EYA1: variants seen among roughly 807,000 people sequenced by gnomAD.
The protein encoded by EYA1 is EYA transcriptional coactivator and phosphatase 1, also known as protein phosphatase EYA1.
In EYA1, 16 loss-of-function variants were observed where a neutral mutation model predicts 82.0. The observed-to-expected ratio is 0.20, with a 90% confidence interval of 0.13 to 0.30. EYA1 has a LOEUF of 0.30. EYA1 is among the 10% of genes least tolerant of loss of function. The pLI is 1.00. For missense variants in EYA1, 633 were observed against 730.7 expected (o/e 0.87, Z 1.54); for synonymous variants, 261 against 264.4 (o/e 0.99, Z 0.12).
intron 2 of EYA1, among the ~76,000 whole-genome samples, chr8:71,405,818 A>G (rs1830188880): frequency 6.6e-6 from 1 of 152,142 alleles, no homozygotes; most frequent in African/African-American, 2.4e-5. Flanking sequence ...TTTTAAACCT[A>G]TTACTTTCCT....
At position 71,299,687 on chromosome 8, in the gene EYA1, G is replaced by A. The variant is rs1173256027; in HGVS notation, c.590C>T (p.Thr197Ile). The change falls in exon 8 of 18, where the codon ACA (threonine) becomes ATA (isoleucine). Residue 197 changes from threonine (T) to isoleucine (I), a missense_variant. Thr to Ile is a moderately conservative substitution (Grantham distance 89). Coordinates refer to ENST00000340726, the MANE Select transcript of EYA1 (RefSeq NM_000503.6). Reference sequence around the variant, plus strand: ...GGAATTTGTGAGTGAATTATTTCCTGTATATATTCCTGATGATGTTGTAAA... The same window carrying A: ...GGAATTTGTGAGTGAATTATTTCCTATATATATTCCTGATGATGTTGTAAA... ...SSFTTSSGIY[T>I]GNNSLTNSSG... 1.7e-5 allele frequency: 27 copies of A among 1,586,660 alleles called. No homozygotes were observed. The highest frequency in any genetic ancestry group is 2.2e-5 in the Non-Finnish European group (25 of 1,156,052).
chr8:71,397,950 T>G (rs192548306), intron 2 of EYA1, among the ~76,000 whole-genome samples: 172 of 152,350 alleles, frequency 1.1e-3, no homozygotes, highest in Middle Eastern at 3.4e-3. Flanking sequence ...TTTGGTGTTT[T>G]CACATAGTTC....
At chr8:71,233,287 G>A (rs1006003779) in intron 12 of EYA1, among the ~76,000 whole-genome samples, 4 of 152,062 alleles carry the variant, frequency 2.6e-5, no homozygotes, top group Admixed American at 6.5e-5. Flanking sequence ...GTTTTCTGCC[G>A]GGTGCGGTGG....
chr8:71,522,149 A>C (rs1300219687), intron 2 of EYA1, among the ~76,000 whole-genome samples: 1 of 152,178 alleles, frequency 6.6e-6, no homozygotes, highest in Non-Finnish European at 1.5e-5. Flanking sequence ...GGTTTCATTA[A>C]AATTATATGC....
intron 2 of EYA1, among the ~76,000 whole-genome samples, chr8:71,367,642 G>T (rs992796055): frequency 2.0e-5 from 3 of 151,672 alleles, no homozygotes; most frequent in African/African-American, 7.3e-5. Flanking sequence ...ACAGTGCACT[G>T]CAATCGCATT....
intron 2 of EYA1, among the ~76,000 whole-genome samples, chr8:71,533,641 C>T (rs1443527093): frequency 1.3e-5 from 2 of 152,162 alleles, no homozygotes; most frequent in Non-Finnish European, 2.9e-5. Context: ...TCTAGGTCCT[C>T]TTCCCATCTT....
intron 17 of EYA1, chr8:71,204,347 A>G (rs1388989021): frequency 1.3e-5 from 2 of 152,246 alleles, no homozygotes; most frequent in African/African-American, 2.4e-5. Flanking sequence ...ATGTGGATAC[A>G]TATATGTAAG....
chr8:71,313,677 G>A (rs1034603029), intron 7 of EYA1, among the ~76,000 whole-genome samples: 2 of 152,252 alleles, frequency 1.3e-5, no homozygotes, highest in Non-Finnish European at 2.9e-5. Context: ...GTCATTGCAT[G>A]CTGAAGGCCC....
At chr8:71,442,986 A>T (rs1036111305) in intron 2 of EYA1, among the ~76,000 whole-genome samples, 2 of 152,232 alleles carry the variant, frequency 1.3e-5, no homozygotes, top group East Asian at 1.9e-4. Context: ...AATGAGAATT[A>T]ATACACCATA....
At chr8:71,200,984 A>G (rs1173849571) in intron 17 of EYA1, among the ~76,000 whole-genome samples, 1 of 147,012 alleles carries the variant, frequency 6.8e-6, no homozygotes, top group Non-Finnish European at 1.5e-5. Context: ...ATTGCGGGAC[A>G]GAAAATAATG....
At chr8:71,422,778 C>T (rs1189064249) in intron 2 of EYA1, among the ~76,000 whole-genome samples, 1 of 151,978 alleles carries the variant, frequency 6.6e-6, no homozygotes, top group Admixed American at 6.6e-5. Context: ...TCATGAGAAC[C>T]CCATCACTAT....
At chr8:71,531,566 T>A (rs1719705951) in intron 2 of EYA1, among the ~76,000 whole-genome samples, 2 of 152,172 alleles carry the variant, frequency 1.3e-5, no homozygotes, top group South Asian at 2.1e-4. Flanking sequence ...CTTTTTTTTT[T>A]ATCTTGACAT....
chr8:71,246,481 C>T (rs573789675), intron 11 of EYA1, among the ~76,000 whole-genome samples: 1 of 152,318 alleles, frequency 6.6e-6, no homozygotes, highest in East Asian at 1.9e-4. Flanking sequence ...GTTTTCTGAA[C>T]ACTCTAACTT....
intron 2 of EYA1, among the ~76,000 whole-genome samples, chr8:71,494,021 T>A (rs1461299515): frequency 6.4e-4 from 7 of 10,902 alleles, no homozygotes; most frequent in East Asian, 0.013. Context: ...AGACTCCGTC[T>A]CAAAAAAAAA....
At chr8:71,230,202 T>C (rs1811032767) in intron 12 of EYA1, among the ~76,000 whole-genome samples, 1 of 152,110 alleles carries the variant, frequency 6.6e-6, no homozygotes, top group African/African-American at 2.4e-5. Context: ...TAAGGGCACC[T>C]TGAATTCCTT....
At chr8:71,289,678 G>T (rs1332751434) in intron 9 of EYA1, among the ~76,000 whole-genome samples, 1 of 152,138 alleles carries the variant, frequency 6.6e-6, no homozygotes, top group Admixed American at 6.6e-5. Flanking sequence ...TGTAAAATGA[G>T]GACAATGACA....
intron 2 of EYA1, among the ~76,000 whole-genome samples, chr8:71,464,617 A>T (rs1186818100): frequency 6.6e-6 from 1 of 152,246 alleles, no homozygotes; most frequent in Non-Finnish European, 1.5e-5. Context: ...ACTACACTAC[A>T]TTAACAATTC....
At chr8:71,350,143 G>A (rs1382013421) in intron 3 of EYA1, among the ~76,000 whole-genome samples, 1 of 152,006 alleles carries the variant, frequency 6.6e-6, no homozygotes, top group Admixed American at 6.5e-5. Flanking sequence ...CAATAATAAA[G>A]TTATATTACC....
intron 2 of EYA1, among the ~76,000 whole-genome samples, chr8:71,413,379 A>T (rs961004068): frequency 3.3e-5 from 5 of 152,158 alleles, no homozygotes; most frequent in African/African-American, 1.2e-4. Context: ...TGCTCAGTAT[A>T]TTATCCTAGT....
Sources: gnomAD v4.1 joint callset for allele counts (sites outside exome capture counted in the v4.1 genomes callset) on GRCh38, gnomAD v4.1.1 for gene constraint, MANE v1.5 for transcripts, NCBI Gene and HGNC (gene_info 2026-07-23, HGNC 2026-07-21) for gene names.